GLIS3: variants seen among roughly 807,000 people sequenced by gnomAD.
GLIS3 encodes GLIS family zinc finger 3.
GLIS3 carries 53 observed loss-of-function variants against 78.6 expected under a neutral mutation model. That is an observed-to-expected ratio of 0.67 (90% CI 0.54 to 0.85). The LOEUF (loss-of-function observed/expected upper bound fraction) is 0.85, where lower values mean the gene tolerates loss of function less well. GLIS3 is among the 40% of genes least tolerant of loss of function. GLIS3 has a pLI of 0.00. For missense variants in GLIS3, 1,703 were observed against 1,231.1 expected (o/e 1.38, Z -5.74); for synonymous variants, 684 against 509.9 (o/e 1.34, Z -4.60).
intron 4 of GLIS3, among the ~76,000 whole-genome samples, chr9:4,023,277 T>C (rs1310347614): frequency 6.6e-6 from 1 of 152,192 alleles, no homozygotes; most frequent in African/African-American, 2.4e-5. Context: ...TTTTCCTTTT[T>C]AGTTTAAGTC....
At chr9:4,376,272 A>G in the GLIS3 span, among the ~76,000 whole-genome samples, 1 of 152,218 alleles carries the variant, frequency 6.6e-6, no homozygotes, top group African/African-American at 2.4e-5. Context: ...TTACGAAAGA[A>G]AAACTAATTC....
chr9:4,151,007 C>T (rs1018508273), intron 2 of GLIS3: 3 of 152,104 alleles, frequency 2.0e-5, no homozygotes, highest in African/African-American at 4.8e-5. Flanking sequence ...TCGACTCCTA[C>T]ACAATGAGCA....
At chr9:4,084,581 G>T (rs1481277175) in intron 4 of GLIS3, among the ~76,000 whole-genome samples, 1 of 152,042 alleles carries the variant, frequency 6.6e-6, no homozygotes, top group African/African-American at 2.4e-5. Flanking sequence ...GAGGAAGAAG[G>T]GGAAAAAAGG....
the GLIS3 span, among the ~76,000 whole-genome samples, chr9:4,361,932 C>A: frequency 1.3e-5 from 2 of 152,178 alleles, no homozygotes; most frequent in South Asian, 4.1e-4. Context: ...TCTCTCTTCT[C>A]CTCATCCAAA....
intron 4 of GLIS3, among the ~76,000 whole-genome samples, chr9:4,028,955 G>A (rs1013768028): frequency 2.0e-5 from 3 of 152,074 alleles, no homozygotes; most frequent in African/African-American, 7.2e-5. Flanking sequence ...CATTCAGGTG[G>A]TAAGATACAT....
the GLIS3 span, among the ~76,000 whole-genome samples, chr9:4,488,833 TGATA>T: frequency 1.3e-5 from 2 of 152,034 alleles, no homozygotes; most frequent in African/African-American, 4.8e-5. Context: ...CTCCCTTTCT[TGATA>T]GTTTCCCTTC....
chr9:4,321,499 G>C (rs1055696504), intron 2 of GLIS3, among the ~76,000 whole-genome samples: 2 of 135,558 alleles, frequency 1.5e-5, no homozygotes, highest in African/African-American at 5.3e-5. Flanking sequence ...ATAATCCTTG[G>C]TATATGTTAT....
At chr9:4,486,085 T>G in the GLIS3 span, among the ~76,000 whole-genome samples, 4,051 of 152,316 alleles carry the variant, frequency 0.027, 178 homozygotes, top group African/African-American at 0.093. Flanking sequence ...ATTGAAATTT[T>G]TAAAATCTTT....
At chr9:4,075,571 G>A (rs760617942) in intron 4 of GLIS3, among the ~76,000 whole-genome samples, 12 of 152,050 alleles carry the variant, frequency 7.9e-5, no homozygotes, top group African/African-American at 1.4e-4. Context: ...GCGAGACTCC[G>A]TCTCAAAACA....
At chr9:4,355,814 T>C in the GLIS3 span, among the ~76,000 whole-genome samples, 1 of 152,134 alleles carries the variant, frequency 6.6e-6, no homozygotes, top group Admixed American at 6.6e-5. Flanking sequence ...AAAGAGTCAG[T>C]GGTGGCAAAA....
intron 4 of GLIS3, among the ~76,000 whole-genome samples, chr9:4,098,578 T>C (rs1830135505): frequency 6.6e-6 from 1 of 152,160 alleles, no homozygotes. Flanking sequence ...AGCATTTCTT[T>C]CTCCCAACTA....
the GLIS3 span, among the ~76,000 whole-genome samples, chr9:4,370,037 C>T: frequency 6.6e-6 from 1 of 151,846 alleles, no homozygotes; most frequent in Non-Finnish European, 1.5e-5. Context: ...ACTAAAAATA[C>T]AAAAATTAGC....
chr9:3,994,883 G>C (rs188233391), intron 4 of GLIS3, among the ~76,000 whole-genome samples: 7 of 151,168 alleles, frequency 4.6e-5, no homozygotes, highest in Admixed American at 3.3e-4. Flanking sequence ...ATAAAGTGAG[G>C]GAATGCCTCA....
At chr9:4,467,146 GGTGGAGCCC>G in the GLIS3 span, among the ~76,000 whole-genome samples, 5 of 152,190 alleles carry the variant, frequency 3.3e-5, no homozygotes, top group African/African-American at 1.2e-4. Flanking sequence ...GCTCAAAATG[GGTGGAGCCC>G]ACCACAGCTC....
rs79805647 is a variant in GLIS3 at position 3,906,284 on chromosome 9, G to C, written c.1984-7449C>G. On this transcript the variant is annotated intron_variant, in intron 6 of 10. Coordinates refer to ENST00000381971, the MANE Select transcript of GLIS3 (RefSeq NM_001042413.2). ...ATTACTGTGCAGAATACCGGAAGAG[G>C]ACAAGTGTGTCTGGTTAGGGGCTAT... Among the ~76,000 whole-genome samples, 1,300 of 152,308 alleles carry C rather than the reference G, an allele frequency of 8.5e-3. 12 individuals are homozygous for C. The highest frequency in any genetic ancestry group is 0.03 in the African/African-American group (1,238 of 41,560).
At chr9:3,988,205 A>C (rs1217943146) in intron 4 of GLIS3, among the ~76,000 whole-genome samples, 2 of 152,134 alleles carry the variant, frequency 1.3e-5, no homozygotes, top group African/African-American at 4.8e-5. Flanking sequence ...GAAAAAAATA[A>C]AAAAATAAAA....
Position 4,181,285 on chromosome 9 carries a change from T to C in GLIS3, c.389-55344A>G, listed in dbSNP as rs532458947. ...ACAGCACTCGCCTCATGCAGACACT[T>C]TTTATTTCTGGTCTTCCGTCGTTCA... On this transcript the variant is annotated intron_variant, in intron 2 of 10. Transcript: ENST00000381971. Among the ~76,000 whole-genome samples the C allele has an allele frequency of 4.6e-5, 7 of 152,338 alleles. No homozygotes were observed. The South Asian group carries it at 8.3e-4, about 18-fold the overall frequency.
At chr9:4,379,463 T>C in the GLIS3 span, among the ~76,000 whole-genome samples, 30 of 152,362 alleles carry the variant, frequency 2.0e-4, no homozygotes, top group South Asian at 1.5e-3. Context: ...TTTTGGAAGA[T>C]TGACAACATT....
chr9:4,450,607 G>C, the GLIS3 span, among the ~76,000 whole-genome samples: 1 of 152,176 alleles, frequency 6.6e-6, no homozygotes, highest in African/African-American at 2.4e-5. Context: ...AGAAAGGTCA[G>C]GTTACCCACA....
Sources: allele counts gnomAD v4.1 joint callset (sites outside exome capture counted in the v4.1 genomes callset), GRCh38; gene constraint gnomAD v4.1.1; transcripts MANE v1.5; gene names NCBI Gene and HGNC (gene_info 2026-07-23, HGNC 2026-07-21).